The following ANXA4 variants were observed in gnomAD, a reference collection of about 807,000 sequenced individuals.
ANXA4 encodes annexin A4.
A neutral mutation model predicts 49.8 loss-of-function variants in ANXA4; 39 were observed. The observed-to-expected ratio is 0.78, with a 90% CI of 0.61 to 1.02. ANXA4 has a LOEUF of 1.02. Among genes scored for constraint, ANXA4 ranks in the 50% least tolerant of loss-of-function variants. The pLI is 0.00. For synonymous variants in ANXA4, 134 were observed against 152.5 expected (o/e 0.88, Z 0.89); for missense variants, 360 against 410.1 (o/e 0.88, Z 1.05).
intron 2 of ANXA4, among the ~76,000 whole-genome samples, chr2:69,696,837 T>C (rs1678175550): frequency 6.6e-6 from 1 of 152,220 alleles, no homozygotes; most frequent in Non-Finnish European, 1.5e-5. Context: ...TTTTATTTTT[T>C]GAGTAGTAAG....
intron 2 of ANXA4, among the ~76,000 whole-genome samples, chr2:69,708,716 C>T (rs544100844): frequency 6.6e-6 from 1 of 152,232 alleles, no homozygotes; most frequent in South Asian, 2.1e-4. Flanking sequence ...GGTCCTCCAA[C>T]AATCGAGGGT....
chr2:69,819,272 T>G lies in ANXA4; in HGVS notation c.725-8T>G. 1 of 1,590,704 alleles carries G rather than the reference T, an allele frequency of 6.3e-7. No homozygotes were observed. The highest frequency in any genetic ancestry group is 1.7e-5 in the Admixed American group (1 of 57,480). On this transcript the variant is annotated splice_polypyrimidine_tract_variant and splice_region_variant and intron_variant, in intron 10 of 12. Transcript: ENST00000394295. Reference sequence around the variant, plus strand: ...TCTTTTCATTTCTTCTTTTTTTTTCTTTGACAGTAAAGTGCATGAGGAACA... The same window carrying G: ...TCTTTTCATTTCTTCTTTTTTTTTCGTTGACAGTAAAGTGCATGAGGAACA...
At chr2:69,744,415 C>G (rs1175984128) in intron 1 of ANXA4, among the ~76,000 whole-genome samples, 1 of 152,180 alleles carries the variant, frequency 6.6e-6, no homozygotes, top group Non-Finnish European at 1.5e-5. Flanking sequence ...AAAACAATCA[C>G]AGATATATTT....
chr2:69,752,190 C>G (rs909725868), intron 1 of ANXA4, among the ~76,000 whole-genome samples: 4 of 152,110 alleles, frequency 2.6e-5, no homozygotes, highest in Admixed American at 6.6e-5. Context: ...TTACAGCAGG[C>G]AAGTCCCAGA....
intron 3 of ANXA4, among the ~76,000 whole-genome samples, chr2:69,734,950 A>T (rs1670205796): frequency 6.6e-6 from 1 of 152,088 alleles, no homozygotes; most frequent in African/African-American, 2.4e-5. Context: ...CCCCTTGTCA[A>T]CCCTGCCCAG....
chr2:69,799,227 G>GTC (rs1673082513), intron 3 of ANXA4, among the ~76,000 whole-genome samples: 1 of 152,124 alleles, frequency 6.6e-6, no homozygotes. Context: ...GAGTTTCTGT[G>GTC]TCTGTTCCCA....
chr2:69,776,533 C>A (rs1002717264), intron 1 of ANXA4, among the ~76,000 whole-genome samples: 8 of 151,446 alleles, frequency 5.3e-5, no homozygotes, highest in Non-Finnish European at 1.0e-4. Flanking sequence ...GTGGGGGTTC[C>A]CACATCAAGC....
intron 2 of ANXA4, among the ~76,000 whole-genome samples, chr2:69,658,261 G>C (rs1299674076): frequency 2.0e-5 from 3 of 151,764 alleles, no homozygotes; most frequent in Admixed American, 2.0e-4. Flanking sequence ...TTAGCTTGGC[G>C]TGGTGGCACA....
intron 8 of ANXA4, among the ~76,000 whole-genome samples, chr2:69,813,632 CA>C (rs1207700846): frequency 6.6e-6 from 1 of 152,006 alleles, no homozygotes; most frequent in Non-Finnish European, 1.5e-5. Context: ...CCCCATTTTA[CA>C]AACAAGGAAA....
chr2:69,784,733 C>A (rs1183053654), intron 2 of ANXA4, among the ~76,000 whole-genome samples: 1 of 152,222 alleles, frequency 6.6e-6, no homozygotes, highest in Non-Finnish European at 1.5e-5. Flanking sequence ...GCCATGCTCC[C>A]TTTGACACCT....
intron 3 of ANXA4, among the ~76,000 whole-genome samples, chr2:69,732,624 G>A (rs992577059): frequency 2.0e-5 from 3 of 152,054 alleles, no homozygotes; most frequent in African/African-American, 7.2e-5. Context: ...TGGGCGTGGT[G>A]GTGCATGCCT....
At chr2:69,797,614 T>C (rs1672998807) in intron 3 of ANXA4, among the ~76,000 whole-genome samples, 1 of 152,208 alleles carries the variant, frequency 6.6e-6, no homozygotes, top group African/African-American at 2.4e-5. Context: ...GTGGTTCCGG[T>C]TAACTTCCAG....
At chr2:69,730,870 A>G (rs1219460989) in intron 3 of ANXA4, among the ~76,000 whole-genome samples, 1 of 152,162 alleles carries the variant, frequency 6.6e-6, no homozygotes, top group African/African-American at 2.4e-5. Flanking sequence ...GAACGGGAGG[A>G]GGCACTACTA....
intron 1 of ANXA4, among the ~76,000 whole-genome samples, chr2:69,750,342 G>A (rs964674508): frequency 3.3e-5 from 5 of 152,192 alleles, no homozygotes; most frequent in African/African-American, 1.2e-4. Context: ...TGTTTCACTT[G>A]GGTAGCTGGT....
At chr2:69,697,783 G>A (rs926168755) in intron 2 of ANXA4, among the ~76,000 whole-genome samples, 4 of 152,080 alleles carry the variant, frequency 2.6e-5, no homozygotes, top group Non-Finnish European at 5.9e-5. Flanking sequence ...TTGCTATTCT[G>A]TATGGGCACA....
At chr2:69,819,051 T>C (rs1320381728) in intron 10 of ANXA4, among the ~76,000 whole-genome samples, 1 of 152,246 alleles carries the variant, frequency 6.6e-6, no homozygotes, top group African/African-American at 2.4e-5. Flanking sequence ...TTTGCTTTGA[T>C]AGACTTTATC....
chr2:69,799,861 T>G (rs1673112855), intron 3 of ANXA4, among the ~76,000 whole-genome samples: 1 of 152,202 alleles, frequency 6.6e-6, no homozygotes, highest in Non-Finnish European at 1.5e-5. Context: ...AAGAATTCAT[T>G]TTACTCAGCC....
At chr2:69,675,587 T>C (rs547294230) in intron 2 of ANXA4, among the ~76,000 whole-genome samples, 2 of 152,062 alleles carry the variant, frequency 1.3e-5, no homozygotes, top group South Asian at 4.2e-4. Context: ...TGAGCAAAAG[T>C]GAGATACCTG....
chr2:69,802,186 TGA>T (rs1220336047), intron 3 of ANXA4, among the ~76,000 whole-genome samples: 5 of 152,200 alleles, frequency 3.3e-5, no homozygotes, highest in Admixed American at 1.3e-4. Flanking sequence ...AGAGACATTG[TGA>T]GAGTTTTTCT....
Sources: allele counts gnomAD v4.1 joint callset (sites outside exome capture counted in the v4.1 genomes callset), GRCh38; gene constraint gnomAD v4.1.1; transcripts MANE v1.5; gene names NCBI Gene and HGNC (gene_info 2026-07-23, HGNC 2026-07-21).